Variants in KCNN2 observed in about 807,000 individuals in gnomAD.
KCNN2 encodes the protein potassium calcium-activated channel subfamily N member 2, also known as small conductance calcium-activated potassium channel protein 2.
A neutral mutation model predicts 55.5 loss-of-function variants in KCNN2; 24 were observed. The ratio of observed to expected loss-of-function variants is 0.43; its 90% CI spans 0.31 to 0.61. KCNN2 has a LOEUF of 0.61. KCNN2 is among the 20% of genes least tolerant of loss of function. KCNN2 has a pLI of 0.08. For missense variants in KCNN2, 754 were observed against 853.6 expected, an observed-to-expected ratio of 0.88 and a Z score of 1.45; for synonymous variants, 431 against 336.1, an observed-to-expected ratio of 1.28 and a Z score of -3.09.
intron 1 of KCNN2, among the ~76,000 whole-genome samples, chr5:114,127,045 C>T (rs187804875): frequency 4.5e-4 from 69 of 152,316 alleles, no homozygotes; most frequent in African/African-American, 1.7e-3. Flanking sequence ...AAGCTTTGCT[C>T]CTGTGGCTTT....
At chr5:114,074,814 A>C (rs534398868) in intron 1 of KCNN2, among the ~76,000 whole-genome samples, 1 of 151,982 alleles carries the variant, frequency 6.6e-6, no homozygotes, top group East Asian at 1.9e-4. Flanking sequence ...GAAGAAAGTC[A>C]GTCCCTTTAA....
At chr5:114,357,187 G>T (rs550262860), upstream of KCNN2, among the ~76,000 whole-genome samples, 154 of 151,860 alleles carry the variant, frequency 1.0e-3, no homozygotes, top group African/African-American at 3.6e-3. Context: ...GCTTTTTAAG[G>T]TACAACAAAA....
chr5:114,196,117 T>C (rs1753551536), intron 1 of KCNN2, among the ~76,000 whole-genome samples: 1 of 152,004 alleles, frequency 6.6e-6, no homozygotes, highest in Non-Finnish European at 1.5e-5. Context: ...TAAGCCTTTA[T>C]TGTGATCATA....
intron 6 of KCNN2, among the ~76,000 whole-genome samples, chr5:114,492,315 A>C (rs1157317693): frequency 6.6e-6 from 1 of 152,206 alleles, no homozygotes; most frequent in Non-Finnish European, 1.5e-5. Flanking sequence ...TTCAATTGAA[A>C]AATAATAAAA....
chr5:114,145,562 T>C (rs2954356), intron 1 of KCNN2, among the ~76,000 whole-genome samples: 33,913 of 152,058 alleles, frequency 0.22, 3,966 homozygotes, highest in Non-Finnish European at 0.25. Context: ...AGATATCCAT[T>C]AGTGGGTCCC....
At chr5:114,321,406 G>T (rs895183298) in intron 2 of KCNN2, among the ~76,000 whole-genome samples, 1 of 152,086 alleles carries the variant, frequency 6.6e-6, no homozygotes, top group Non-Finnish European at 1.5e-5. Flanking sequence ...AAAAGCTCAG[G>T]AACTGTGGTG....
chr5:114,293,227 T>C (rs560935787), intron 2 of KCNN2, among the ~76,000 whole-genome samples: 2 of 152,174 alleles, frequency 1.3e-5, no homozygotes, highest in South Asian at 2.1e-4. Context: ...TTCAACACTA[T>C]GTTGAATAGG....
chr5:114,218,877 G>A (rs1241885781), intron 1 of KCNN2, among the ~76,000 whole-genome samples: 3 of 152,160 alleles, frequency 2.0e-5, no homozygotes, highest in African/African-American at 4.8e-5. Context: ...ATATTTCTCT[G>A]ACACCTTCAT....
rs1396019746 is a variant in KCNN2 at position 114,379,373 on chromosome 5, G to A, written c.1218+15372G>A. On this transcript the variant is annotated intron_variant, in intron 2 of 7. Transcript: ENST00000673685. ...ATTTCCAAACTTATTGACTCTTCCCGGGTCCTCCTACAATCTCATTTATGA... is the reference window on the plus strand; with the variant it reads ...ATTTCCAAACTTATTGACTCTTCCCAGGTCCTCCTACAATCTCATTTATGA... Among the ~76,000 whole-genome samples, 3 of 150,262 alleles carry A rather than the reference G, an allele frequency of 2.0e-5. No individual in the cohort carries two copies. The East Asian group carries it at 5.9e-4, about 29-fold the overall frequency.
At chr5:114,457,203 A>G (rs1561395923) in intron 3 of KCNN2, among the ~76,000 whole-genome samples, 2 of 152,148 alleles carry the variant, frequency 1.3e-5, no homozygotes, top group Admixed American at 6.6e-5. Context: ...ACCTTCAGCA[A>G]GCACCACCCT....
chr5:114,107,232 A>C (rs562526243), intron 1 of KCNN2, among the ~76,000 whole-genome samples: 1 of 151,968 alleles, frequency 6.6e-6, no homozygotes, highest in Non-Finnish European at 1.5e-5. Flanking sequence ...AGAGTTCTCT[A>C]TTTTGTTCCA....
chr5:114,148,426 T>C (rs141227886), intron 1 of KCNN2, among the ~76,000 whole-genome samples: 242 of 152,254 alleles, frequency 1.6e-3, no homozygotes, highest in African/African-American at 5.7e-3. Context: ...ACAATTTCAA[T>C]TAAAGCCTCC....
At position 114,069,228 on chromosome 5, in the gene KCNN2, C is replaced by T. The variant is rs376562866; in HGVS notation, c.-271+12728C>T. 7.2e-5 allele frequency among the ~76,000 whole-genome samples: 11 copies of T among 152,272 alleles called. No homozygotes were observed. In the East Asian group the frequency reaches 1.5e-3, roughly 21 times the overall value. The stretch of plus-strand genomic sequence containing the variant: ...GCAGCCAGCCCTGGCTTTGGGGAAG[C>T]GTTTGCCAGCTCACTTACTTACTCC... On this transcript the variant is annotated intron_variant, in intron 1 of 10. Coordinates refer to the KCNN2 transcript ENST00000512097.
intron 2 of KCNN2, among the ~76,000 whole-genome samples, chr5:114,307,262 CTGAA>C (rs2150024703): frequency 6.6e-6 from 1 of 152,294 alleles, no homozygotes; most frequent in South Asian, 2.1e-4. Flanking sequence ...GATCTGGAGA[CTGAA>C]TGAGGAATCC....
chr5:114,319,254 C>A (rs1756567397), intron 2 of KCNN2, among the ~76,000 whole-genome samples: 1 of 152,138 alleles, frequency 6.6e-6, no homozygotes, highest in African/African-American at 2.4e-5. Context: ...TTCTTCCAGC[C>A]CTCTCCATTG....
chr5:114,167,054 C>T lies in KCNN2; in HGVS notation c.-270-54426C>T, dbSNP rs959062532. Among the ~76,000 whole-genome samples the T allele has an allele frequency of 2.2e-4, 34 of 152,256 alleles. No homozygotes were observed. In the South Asian group the frequency reaches 5.4e-3, roughly 24 times the overall value. ...AAGCCATCTAGTCTATAGTATTTTG[C>T]GATAGCAGCCCAAACTAAGATATTT... is the stretch of plus-strand genomic sequence containing the variant. On this transcript the variant is annotated intron_variant, in intron 1 of 10. Transcript: ENST00000512097.
chr5:114,379,785 ATATT>A (rs1194486180), intron 2 of KCNN2, among the ~76,000 whole-genome samples: 4 of 141,506 alleles, frequency 2.8e-5, no homozygotes, highest in Non-Finnish European at 6.1e-5. Context: ...TATAACATAT[ATATT>A]TATAGAATAT....
At chr5:114,348,308 A>T (rs560446295) in intron 2 of KCNN2, among the ~76,000 whole-genome samples, 1 of 151,174 alleles carries the variant, frequency 6.6e-6, no homozygotes, top group South Asian at 2.1e-4. Context: ...GCATTAGGAG[A>T]TATACCTAAT....
At chr5:114,178,581 A>G (rs747535100) in intron 1 of KCNN2, among the ~76,000 whole-genome samples, 23 of 152,188 alleles carry the variant, frequency 1.5e-4, no homozygotes, top group South Asian at 8.3e-4. Flanking sequence ...TGCAATAGGA[A>G]CCTCTACAAT....
Sources: gnomAD v4.1 joint callset for allele counts (sites outside exome capture counted in the v4.1 genomes callset) on GRCh38, gnomAD v4.1.1 for gene constraint, MANE v1.5 for transcripts, NCBI Gene and HGNC (gene_info 2026-07-23, HGNC 2026-07-21) for gene names.